The following LIN52 variants were observed in gnomAD, a reference collection of about 807,000 sequenced individuals.
The protein encoded by LIN52 is protein lin-52 homolog.
A neutral mutation model predicts 18.5 loss-of-function variants in LIN52; 4 were observed. The observed-to-expected ratio is 0.22, with a 90% CI of 0.11 to 0.49. The LOEUF (loss-of-function observed/expected upper bound fraction) is 0.49. Ranked by LOEUF, LIN52 falls within the 20% of genes least tolerant of loss-of-function variation. The probability of loss-of-function intolerance (pLI) is 0.97; values close to 1 mark genes in which losing one functional copy is unlikely to be tolerated. For synonymous variants in LIN52, 34 were observed against 45.5 expected (o/e 0.75, Z 1.02); for missense variants, 102 against 139.5 (o/e 0.73, Z 1.35).
rs2358635 is a variant in LIN52 at position 74,200,309 on chromosome 14, G to A, written c.*1332G>A. 2 of 144,950 alleles carry A rather than the reference G, an allele frequency of 1.4e-5. No homozygotes were observed. Among genetic ancestry groups the A allele is most frequent in the Admixed American group, 7.2e-5 (1 of 13,972 alleles). The allele number at this position is 144,950 out of a possible 1,614,324, so 9.0% of individuals were successfully genotyped here. ...ATGCCTATAGTCCCAGCTACTTGGGGGCCTGAGGCACGAGAATCGCTTGAA... is the reference window on the plus strand; with the variant it reads ...ATGCCTATAGTCCCAGCTACTTGGGAGCCTGAGGCACGAGAATCGCTTGAA... On this transcript the variant is annotated 3_prime_UTR_variant, in exon 6 of 6. Coordinates refer to ENST00000555028, the MANE Select transcript of LIN52 (RefSeq NM_001024674.3).
chr14:74,187,271 A>G (rs1037683973), intron 5 of LIN52, among the ~76,000 whole-genome samples: 1 of 152,212 alleles, frequency 6.6e-6, no homozygotes, highest in African/African-American at 2.4e-5. Context: ...TTCCAATGCC[A>G]GATAAGATAA....
At chr14:74,146,374 A>T (rs958127350) in intron 5 of LIN52, among the ~76,000 whole-genome samples, 2 of 151,994 alleles carry the variant, frequency 1.3e-5, no homozygotes, top group African/African-American at 4.8e-5. Context: ...TATTTTTATC[A>T]TGTGTAAGAG....
chr14:74,095,933 T>G lies in LIN52; in HGVS notation c.95-15T>G. The G allele has an allele frequency of 6.3e-7, 1 of 1,586,536 alleles. No homozygotes were observed. On this transcript the variant is annotated splice_polypyrimidine_tract_variant and intron_variant, in intron 2 of 5. Coordinates refer to ENST00000555028, the MANE Select transcript of LIN52 (RefSeq NM_001024674.3). ...CATACTTATTGAATAAATAAAGTTT[T>G]GTTTTTCTTTTTAGTACCAGGTGTT...
At chr14:74,183,710 C>T (rs1188523138) in intron 5 of LIN52, among the ~76,000 whole-genome samples, 1 of 152,036 alleles carries the variant, frequency 6.6e-6, no homozygotes, top group Non-Finnish European at 1.5e-5. Flanking sequence ...TTTATCTGTA[C>T]CCCCTTTATC....
In LIN52 at chr14:74,091,340, G is replaced by T. The variant is rs373098030; in HGVS notation, c.94+34G>T. 30 of 1,335,916 alleles carry T rather than the reference G, an allele frequency of 2.2e-5. No individual in the cohort carries two copies. In the African/African-American group the frequency reaches 4.3e-4, roughly 19 times the overall value. The allele number at this position is 1,335,916 out of a possible 1,614,324, so 82.8% of individuals were successfully genotyped here. On this transcript the variant is annotated intron_variant, in intron 2 of 5. Coordinates refer to ENST00000555028, the MANE Select transcript of LIN52 (RefSeq NM_001024674.3). ...TTGCCTTCTTTATATCAGAGTCAAT[G>T]CAGGAGAAACAATGTTCCTTTTTAA...
At chr14:74,124,561 A>C (rs1168956339) in intron 5 of LIN52, among the ~76,000 whole-genome samples, 2 of 152,126 alleles carry the variant, frequency 1.3e-5, no homozygotes, top group Non-Finnish European at 2.9e-5. Context: ...CTGTAACCCT[A>C]GCCCTTTGGA....
intron 5 of LIN52, among the ~76,000 whole-genome samples, chr14:74,160,829 T>C (rs570827876): frequency 3.3e-5 from 5 of 152,224 alleles, no homozygotes; most frequent in Non-Finnish European, 5.9e-5. Context: ...TTTCAATTCA[T>C]GAGACTCATA....
intron 5 of LIN52, among the ~76,000 whole-genome samples, chr14:74,107,210 T>C (rs1380445966): frequency 6.6e-6 from 1 of 152,204 alleles, no homozygotes; most frequent in Non-Finnish European, 1.5e-5. Flanking sequence ...ACAGAATAAA[T>C]ACAGTGTGAA....
intron 5 of LIN52, among the ~76,000 whole-genome samples, chr14:74,125,459 G>A (rs972012865): frequency 2.6e-5 from 4 of 151,910 alleles, no homozygotes; most frequent in Non-Finnish European, 4.4e-5. Flanking sequence ...TTTTTGATGG[G>A]GTTGTTTGTT....
chr14:74,181,690 C>T (rs1265764839), intron 5 of LIN52, among the ~76,000 whole-genome samples: 2 of 152,012 alleles, frequency 1.3e-5, no homozygotes, highest in Non-Finnish European at 2.9e-5. Flanking sequence ...GGCTGAGGAT[C>T]CTTTTGTGTT....
At chr14:74,114,542 G>A (rs1300492513) in intron 5 of LIN52, 4 of 536,130 alleles carry the variant, frequency 7.5e-6, no homozygotes, top group African/African-American at 6.2e-5. Context: ...TTACCATGAT[G>A]TTTTAGCCTA....
intron 5 of LIN52, among the ~76,000 whole-genome samples, chr14:74,120,887 G>A (rs781520146): frequency 6.6e-6 from 1 of 152,016 alleles, no homozygotes; most frequent in Non-Finnish European, 1.5e-5. Flanking sequence ...TTCCAGCCTG[G>A]GCAACAGAGC....
intron 5 of LIN52, among the ~76,000 whole-genome samples, chr14:74,103,733 G>GTTTTT (rs573188668): frequency 4.3e-5 from 2 of 46,024 alleles, no homozygotes; most frequent in Non-Finnish European, 8.0e-5. Context: ...GGCCTGGCCA[G>GTTTTT]TTTTTTTTTT....
At chr14:74,190,235 A>T (rs2061357675) in intron 5 of LIN52, among the ~76,000 whole-genome samples, 1 of 152,188 alleles carries the variant, frequency 6.6e-6, no homozygotes, top group Admixed American at 6.5e-5. Flanking sequence ...CCCAATAGAA[A>T]GATAATCTAG....
intron 5 of LIN52, among the ~76,000 whole-genome samples, chr14:74,142,220 A>G (rs2061134469): frequency 1.3e-5 from 2 of 152,214 alleles, no homozygotes; most frequent in Admixed American, 1.3e-4. Context: ...GAAGCTCTTT[A>G]GTCCCATTCT....
chr14:74,123,626 A>G (rs542511498), intron 5 of LIN52, among the ~76,000 whole-genome samples: 1 of 152,326 alleles, frequency 6.6e-6, no homozygotes, highest in Non-Finnish European at 1.5e-5. Flanking sequence ...AGCATTAAAT[A>G]TAGAACCGTG....
chr14:74,095,689 C>T (rs1266913009), intron 2 of LIN52, among the ~76,000 whole-genome samples: 1 of 152,180 alleles, frequency 6.6e-6, no homozygotes, highest in African/African-American at 2.4e-5. Flanking sequence ...ACTCCTGGTC[C>T]TTCCAAGTTC....
chr14:74,158,125 AT>A (rs60808992), intron 5 of LIN52, among the ~76,000 whole-genome samples: 5 of 147,692 alleles, frequency 3.4e-5, no homozygotes, highest in African/African-American at 1.2e-4. Flanking sequence ...ATATATATAT[AT>A]TTTTTTGAGA....
At chr14:74,143,425 C>A (rs1026933582) in intron 5 of LIN52, among the ~76,000 whole-genome samples, 1 of 152,082 alleles carries the variant, frequency 6.6e-6, no homozygotes, top group Non-Finnish European at 1.5e-5. Context: ...TGGCAGTGTG[C>A]CCCTGTGGTC....
Sources: allele counts gnomAD v4.1 joint callset (sites outside exome capture counted in the v4.1 genomes callset), GRCh38; gene constraint gnomAD v4.1.1; transcripts MANE v1.5; gene names NCBI Gene and HGNC (gene_info 2026-07-23, HGNC 2026-07-21).